The following MYO10 variants were observed in gnomAD, a reference collection of about 807,000 sequenced individuals.
MYO10 encodes the protein myosin X.
In MYO10, 133 loss-of-function variants were observed where a neutral mutation model predicts 257.3. That is an observed-to-expected ratio of 0.52 (90% CI 0.45 to 0.60). The LOEUF (loss-of-function observed/expected upper bound fraction) is 0.60. Among genes scored for constraint, MYO10 ranks in the 20% least tolerant of loss-of-function variants. The pLI is 0.00. For synonymous variants in MYO10, 1,104 were observed against 1,028.6 expected (o/e 1.07, Z -1.40); for missense variants, 2,399 against 2,635.7 (o/e 0.91, Z 1.97).
Position 16,668,374 on chromosome 5 carries a change from A to G in MYO10, c.5978T>C (p.Val1993Ala), listed in dbSNP as rs1579780007. 9 of 1,613,832 alleles carry G rather than the reference A, an allele frequency of 5.6e-6. No individual in the cohort carries two copies. The highest frequency in any genetic ancestry group is 3.3e-5 in the South Asian group (3 of 91,088). Residue 1993 changes from valine to alanine, a missense_variant, in exon 40 of 41, where the codon GTC (valine) becomes GCC (alanine). Val to Ala is a moderately conservative substitution (Grantham distance 64, BLOSUM62 0). This residue lies in a region of MYO10 where 1,820 missense variants were observed against 1,939.4 expected (regional missense o/e 0.94). Coordinates refer to ENST00000513610, the MANE Select transcript of MYO10 (RefSeq NM_012334.3). ...AGAGAGGATGTGTTCATACTGGAAG[A>G]CTTCCAGTGGTCTTCCCTCTCCACG... is the stretch of plus-strand genomic sequence containing the variant. ...YKRGEGRPLE[V>A]FQYEHILSFG...
intron 1 of MYO10, among the ~76,000 whole-genome samples, chr5:16,918,500 C>CTTTTT (rs5866221): frequency 5.7e-4 from 67 of 117,644 alleles, no homozygotes; most frequent in African/African-American, 1.1e-3. Context: ...TTTTTCTTTT[C>CTTTTT]TTTTTTTTTT....
chr5:16,827,308 C>T (rs1210282093), intron 2 of MYO10, among the ~76,000 whole-genome samples: 3 of 152,024 alleles, frequency 2.0e-5, no homozygotes, highest in Non-Finnish European at 4.4e-5. Context: ...TTTTTGGAGA[C>T]GGAGTCTCAC....
At chr5:16,879,357 C>T (rs1744696335) in intron 1 of MYO10, among the ~76,000 whole-genome samples, 1 of 152,152 alleles carries the variant, frequency 6.6e-6, no homozygotes. Flanking sequence ...TCTTTAAACA[C>T]AGAGTTGGCA....
At chr5:16,676,989 T>C (rs879563286) in intron 33 of MYO10, among the ~76,000 whole-genome samples, 3 of 152,248 alleles carry the variant, frequency 2.0e-5, no homozygotes, top group Non-Finnish European at 4.4e-5. Context: ...ATTCTCTCTA[T>C]ACCTGAAAAC....
intron 3 of MYO10, among the ~76,000 whole-genome samples, chr5:16,816,206 G>A (rs1448426190): frequency 6.6e-5 from 10 of 151,864 alleles, no homozygotes; most frequent in Admixed American, 2.6e-4. Context: ...GGGCGTGGTA[G>A]CACACGCCTG....
At chr5:16,741,478 A>G (rs1334416736) in intron 19 of MYO10, among the ~76,000 whole-genome samples, 1 of 152,254 alleles carries the variant, frequency 6.6e-6, no homozygotes, top group East Asian at 1.9e-4. Flanking sequence ...AAAAAATTCA[A>G]ACAAAAGAAA....
chr5:16,909,001 C>T (rs570247844), intron 1 of MYO10, among the ~76,000 whole-genome samples: 3 of 152,318 alleles, frequency 2.0e-5, no homozygotes, highest in East Asian at 1.9e-4. Flanking sequence ...TGAACAGGTG[C>T]TATGTCTTGG....
At chr5:16,841,101 C>T (rs1013210010) in intron 2 of MYO10, among the ~76,000 whole-genome samples, 3 of 150,376 alleles carry the variant, frequency 2.0e-5, no homozygotes, top group East Asian at 2.0e-4. Context: ...GCCGAGATCT[C>T]GCCATTGCAC....
chr5:16,794,524 C>T (rs1056778005), intron 4 of MYO10, 122 bp downstream of exon 4: 3 of 927,760 alleles, frequency 3.2e-6, no homozygotes, highest in Non-Finnish European at 3.0e-6. Context: ...AAAACTCTGT[C>T]GGAGAAACTC....
chr5:16,781,644 T>C, intron 6 of MYO10, 61 bp downstream of exon 6: 1 of 1,487,654 alleles, frequency 6.7e-7, no homozygotes, highest in South Asian at 1.2e-5. Flanking sequence ...TTATAATTAG[T>C]GAGAACAGTT....
intron 19 of MYO10, among the ~76,000 whole-genome samples, chr5:16,728,768 T>C (rs1251197037): frequency 6.6e-6 from 1 of 152,188 alleles, no homozygotes; most frequent in Non-Finnish European, 1.5e-5. Flanking sequence ...TCTGTGCCCT[T>C]CGTCCTCGTG....
intron 19 of MYO10, among the ~76,000 whole-genome samples, chr5:16,716,442 A>T (rs763652566): frequency 6.8e-6 from 1 of 146,878 alleles, no homozygotes; most frequent in Non-Finnish European, 1.5e-5. Flanking sequence ...TTATGTATCA[A>T]TGAATCCAAT....
At chr5:16,836,065 A>T (rs1743303916) in intron 2 of MYO10, among the ~76,000 whole-genome samples, 1 of 152,140 alleles carries the variant, frequency 6.6e-6, no homozygotes, top group Non-Finnish European at 1.5e-5. Flanking sequence ...AACTGATGGG[A>T]ATCAGGGTGA....
At chr5:16,767,196 A>C (rs1284160750) in intron 10 of MYO10, among the ~76,000 whole-genome samples, 1 of 118,382 alleles carries the variant, frequency 8.4e-6, no homozygotes, top group African/African-American at 3.3e-5. Flanking sequence ...TTTGAGACAG[A>C]GTCTTGCTTT....
Position 16,671,484 on chromosome 5 carries a change from A to C in MYO10, c.5368T>G (p.Cys1790Gly). ...LPWKFYFKLY[C>G]FLDTDNVPKD... ...GGCACGTTGTCTGTGTCCAGGAAGC[A>C]GTAAAGTTTGAAGTAGAATTTCCAT... Residue 1790 changes from cysteine to glycine, a missense_variant, in exon 38 of 41, where the codon TGC becomes GGC. By Grantham distance (159) the Cys-to-Gly change is radical. This residue lies in a region of MYO10 where 1,820 missense variants were observed against 1,939.4 expected (regional missense o/e 0.94). Coordinates refer to ENST00000513610, the MANE Select transcript of MYO10 (RefSeq NM_012334.3). 1 of 1,614,012 alleles carries C rather than the reference A, an allele frequency of 6.2e-7. No individual in the cohort carries two copies. Among genetic ancestry groups the C allele is most frequent in the Non-Finnish European group, 8.5e-7 (1 of 1,179,872 alleles).
chr5:16,774,004 T>C (rs1741138234), intron 9 of MYO10, among the ~76,000 whole-genome samples: 1 of 152,210 alleles, frequency 6.6e-6, no homozygotes, highest in Non-Finnish European at 1.5e-5. Context: ...AGTCTCTATT[T>C]ATTGTTTCTT....
intron 1 of MYO10, among the ~76,000 whole-genome samples, chr5:16,883,402 T>A (rs370991022): frequency 6.6e-6 from 1 of 152,108 alleles, no homozygotes; most frequent in African/African-American, 2.4e-5. Context: ...ATTCATTAAG[T>A]CTCTGCTCTC....
intron 1 of MYO10, among the ~76,000 whole-genome samples, chr5:16,894,260 C>T (rs1052244484): frequency 7.2e-5 from 11 of 152,158 alleles, no homozygotes; most frequent in African/African-American, 2.7e-4. Flanking sequence ...CGTCATGCTC[C>T]TTCTTTGATA....
At chr5:16,773,041 T>G (rs1019447671) in intron 9 of MYO10, among the ~76,000 whole-genome samples, 1 of 152,206 alleles carries the variant, frequency 6.6e-6, no homozygotes, top group Non-Finnish European at 1.5e-5. Context: ...ATGTATACTT[T>G]AAATGGACGT....
Sources: allele counts gnomAD v4.1 joint callset (sites outside exome capture counted in the v4.1 genomes callset), GRCh38; gene constraint gnomAD v4.1.1; regional missense constraint gnomAD v4.1.1; transcripts MANE v1.5; gene names NCBI Gene and HGNC (gene_info 2026-07-23, HGNC 2026-07-21).